The following PCNX1 variants were observed in gnomAD, a reference collection of about 807,000 sequenced individuals.
PCNX1 encodes the protein pecanex-like protein 1.
Under a neutral mutation model 242.2 loss-of-function variants are expected in PCNX1, and 78 were observed. That is an observed-to-expected ratio of 0.32 (90% CI 0.27 to 0.39). The LOEUF (loss-of-function observed/expected upper bound fraction) is 0.39, where lower values mean the gene tolerates loss of function less well. Ranked by LOEUF, PCNX1 falls within the 10% of genes least tolerant of loss-of-function variation. PCNX1 has a pLI of 1.00. For synonymous variants in PCNX1, 1,024 were observed against 1,032.9 expected (o/e 0.99, Z 0.17); for missense variants, 2,581 against 2,856.5 (o/e 0.90, Z 2.20).
intron 24 of PCNX1, among the ~76,000 whole-genome samples, 194 bp from the exon 25 acceptor site, chr14:71,055,310 G>T (rs2061152021): frequency 6.6e-6 from 1 of 151,958 alleles, no homozygotes. Context: ...GTGGTGAAGG[G>T]GGAAGAATTT....
Position 71,073,551 on chromosome 14 carries a change from A to G in PCNX1, c.4859A>G (p.Tyr1620Cys). 1 of 1,610,236 alleles carries G rather than the reference A, an allele frequency of 6.2e-7. No homozygotes were observed. Residue 1620 changes from tyrosine to cysteine, a missense_variant, in exon 27 of 36, where the codon TAC (tyrosine) becomes TGC (cysteine). Around this residue, in one of 9 missense-constraint regions of PCNX1, gnomAD observed 298 missense variants for 480.1 expected, o/e 0.62. Transcript: ENST00000304743. ...CTCTCTCTCTCTCTCTAAGGTACCT[A>G]CTGTCAACAACGGGAAGTGGAGGCC... ...QLRGLEFRGT[Y>C]CQQREVEAIT...
At position 71,009,696 on chromosome 14, in the gene PCNX1, C is replaced by T. The variant is rs771548047; in HGVS notation, c.2692C>T (p.Pro898Ser). Residue 898 changes from proline to serine, a missense_variant, in exon 9 of 36, where the codon CCA becomes TCA. This residue lies in a region of PCNX1 where 1,204 missense variants were observed against 1,216.7 expected (regional missense o/e 0.99). Transcript: ENST00000304743. Reference sequence around the variant, plus strand: ...TGATATGTCACTTGTGAATTTTGAACCAGCAGCAAGAAGAGCATCCAATAT... The same window carrying T: ...TGATATGTCACTTGTGAATTTTGAATCAGCAGCAAGAAGAGCATCCAATAT... ...GCDMSLVNFE[P>S]AARRASNICD... 1 of 1,601,888 alleles carries T rather than the reference C, an allele frequency of 6.2e-7. No homozygotes were observed. The highest frequency in any genetic ancestry group is 1.1e-5 in the South Asian group (1 of 89,750).
At chr14:71,053,329 A>G (rs779661731) in intron 24 of PCNX1, 22 of 449,344 alleles carry the variant, frequency 4.9e-5, no homozygotes, top group South Asian at 3.0e-4. Flanking sequence ...CTGGAGTGCA[A>G]TGACACAATC....
At position 71,051,936 on chromosome 14, in the gene PCNX1, C is replaced by G. The variant is rs780845357; in HGVS notation, c.4501C>G (p.Leu1501Val). The change falls in exon 24 of 36, where the codon CTG becomes GTG. Residue 1501 changes from leucine (L) to valine (V), a missense_variant. Physicochemically the swap from Leu to Val is conservative, Grantham distance 32. Around this residue, in one of 9 missense-constraint regions of PCNX1, gnomAD observed 99 missense variants for 147.3 expected, o/e 0.67. Coordinates refer to ENST00000304743, the MANE Select transcript of PCNX1 (RefSeq NM_014982.3). ...TGTCTCGGCCTTCTTCTCTACTCCA[C>G]TGAACCCCTTTCTGGGAAGTGCAAT... is the stretch of plus-strand genomic sequence containing the variant. ...AAVSAFFSTPLNPFLGSAIFI... is the reference protein window; with the variant it reads ...AAVSAFFSTPVNPFLGSAIFI... The G allele has an allele frequency of 3.1e-6, 5 of 1,613,660 alleles. No homozygotes were observed. The highest frequency in any genetic ancestry group is 3.4e-6 in the Non-Finnish European group (4 of 1,179,624).
intron 24 of PCNX1, among the ~76,000 whole-genome samples, chr14:71,053,913 G>A (rs1405338010): frequency 6.6e-6 from 1 of 151,914 alleles, no homozygotes; most frequent in Non-Finnish European, 1.5e-5. Context: ...GTATCTACCT[G>A]TACATTCAGT....
rs1460908529 is a variant in PCNX1, at chr14:71,114,428, GA to G, written c.*4495del. On this transcript the variant is annotated 3_prime_UTR_variant, in exon 36 of 36. Coordinates refer to ENST00000304743, the MANE Select transcript of PCNX1 (RefSeq NM_014982.3). The stretch of plus-strand genomic sequence containing the variant: ...GAGTGGAGTAAGTTTGCTTGAAACA[GA>G]AGTATATTTTCTACTTTGAATCACC... The G allele has an allele frequency of 2.0e-5, 3 of 152,206 alleles. No individual in the cohort carries two copies. The highest frequency in any genetic ancestry group is 4.4e-5 in the Non-Finnish European group (3 of 68,020). The allele number at this position is 152,206 out of a possible 1,614,324, so 9.4% of individuals were successfully genotyped here. A position where few individuals can be genotyped will look rare whatever the true frequency, so the allele number is the denominator to read the frequency against.
At chr14:71,033,616 C>G (rs968693588) in intron 17 of PCNX1, 78 bp downstream of exon 17, 2 of 784,918 alleles carry the variant, frequency 2.5e-6, no homozygotes, top group Non-Finnish European at 4.3e-6. Context: ...TTGAAGATCT[C>G]TTTTTCCCAA....
chr14:71,110,238 G>T lies in PCNX1; in HGVS notation c.*303G>T. The T allele has an allele frequency of 5.4e-6, 2 of 371,050 alleles. No individual in the cohort carries two copies. Among genetic ancestry groups the T allele is most frequent in the Non-Finnish European group, 1.0e-5 (2 of 195,840 alleles). 23.0% of individuals were successfully genotyped at this position (371,050 alleles called of 1,614,324 possible). A position where few individuals can be genotyped will look rare whatever the true frequency, so the allele number is the denominator to read the frequency against. On this transcript the variant is annotated 3_prime_UTR_variant, in exon 36 of 36. Coordinates refer to ENST00000304743, the MANE Select transcript of PCNX1 (RefSeq NM_014982.3). The stretch of plus-strand genomic sequence containing the variant: ...AAAGTTTTTCCTATGCATTGCCTAT[G>T]CTTTAAATCAACAAACTCTTCATTT...
chr14:71,050,610 GT>G (rs538845223), intron 22 of PCNX1, 41 bp from the exon 23 acceptor site: 67,663 of 1,228,370 alleles, frequency 0.055, no homozygotes, highest in South Asian at 0.061. Context: ...TATCTGATAA[GT>G]TTTTTTTTTT....
chr14:71,035,890 A>C (rs777935534), intron 18 of PCNX1, among the ~76,000 whole-genome samples, 175 bp from the exon 19 acceptor site: 1 of 152,086 alleles, frequency 6.6e-6, no homozygotes, highest in Non-Finnish European at 1.5e-5. Context: ...TCTTAGAGAA[A>C]GAGAGACTCT....
intron 11 of PCNX1, among the ~76,000 whole-genome samples, chr14:71,017,980 TA>T (rs2060003031): frequency 6.6e-6 from 1 of 152,246 alleles, no homozygotes. Flanking sequence ...ATTCCTTACC[TA>T]TTGTAGAAAA....
intron 2 of PCNX1, among the ~76,000 whole-genome samples, chr14:70,949,873 A>C (rs1026718806): frequency 1.3e-5 from 2 of 152,220 alleles, no homozygotes; most frequent in Admixed American, 1.3e-4. Context: ...ACATACCTCA[A>C]AACAATTCTA....
chr14:70,926,788 A>G (rs1211515943), intron 1 of PCNX1, among the ~76,000 whole-genome samples: 1 of 152,202 alleles, frequency 6.6e-6, no homozygotes, highest in Non-Finnish European at 1.5e-5. Context: ...CATATAAAGT[A>G]CAGATGTACA....
At chr14:70,925,683 T>TAAA (rs1205223195) in intron 1 of PCNX1, among the ~76,000 whole-genome samples, 1 of 152,016 alleles carries the variant, frequency 6.6e-6, no homozygotes, top group South Asian at 2.1e-4. Context: ...TAAACATTAT[T>TAAA]AAAAATATCA....
At chr14:70,943,650 T>C (rs2057348277) in intron 1 of PCNX1, among the ~76,000 whole-genome samples, 1 of 152,216 alleles carries the variant, frequency 6.6e-6, no homozygotes, top group Non-Finnish European at 1.5e-5. Context: ...TGCATAAATT[T>C]GCATAAGTAA....
intron 6 of PCNX1, among the ~76,000 whole-genome samples, chr14:70,986,015 A>G (rs1380062642): frequency 6.6e-6 from 1 of 152,236 alleles, no homozygotes; most frequent in Non-Finnish European, 1.5e-5. Context: ...GCTATAACAT[A>G]TGTGACTGTA....
chr14:70,981,314 A>T (rs1193279888), intron 6 of PCNX1, among the ~76,000 whole-genome samples: 2 of 152,218 alleles, frequency 1.3e-5, no homozygotes, highest in Non-Finnish European at 2.9e-5. Flanking sequence ...AAAGTAGAAG[A>T]AAGTGATTAA....
chr14:71,019,102 A>T lies in PCNX1; in HGVS notation c.3090A>T (p.Arg1030Ser). The T allele has an allele frequency of 6.2e-7, 1 of 1,613,628 alleles. No homozygotes were observed. The highest frequency in any genetic ancestry group is 1.1e-5 in the South Asian group (1 of 91,004). ...TTCTTCTCATACAAGGATTCTTCAG[A>T]GATATCTGGGTCTTCCAGTTCTGCC... ...GSILLIQGFF[R>S]DIWVFQFCLV... The change falls in exon 12 of 36, where the codon AGA becomes AGT. Residue 1030 changes from arginine (R) to serine (S), a missense_variant. This residue lies in a region of PCNX1 where 55 missense variants were observed against 49.8 expected (regional missense o/e 1.10). Coordinates refer to ENST00000304743, the MANE Select transcript of PCNX1 (RefSeq NM_014982.3).
chr14:70,936,310 G>A (rs2057003368), intron 1 of PCNX1, among the ~76,000 whole-genome samples: 1 of 140,480 alleles, frequency 7.1e-6, no homozygotes, highest in African/African-American at 2.7e-5. Flanking sequence ...GCCCTGGTGT[G>A]TGATGTTCCC....
Sources: gnomAD v4.1 joint callset for allele counts (sites outside exome capture counted in the v4.1 genomes callset) on GRCh38, gnomAD v4.1.1 for gene constraint, gnomAD v4.1.1 regional missense constraint, MANE v1.5 for transcripts, NCBI Gene and HGNC (gene_info 2026-07-23, HGNC 2026-07-21) for gene names.